The following GRID1 variants were observed in gnomAD, a reference collection of about 807,000 sequenced individuals.
The protein encoded by GRID1 is glutamate receptor ionotropic, delta-1.
GRID1 carries 28 observed loss-of-function variants against 98.0 expected under a neutral mutation model. That is an observed-to-expected ratio of 0.29 (90% confidence interval 0.21 to 0.39). The LOEUF (loss-of-function observed/expected upper bound fraction) is 0.39, where lower values mean the gene tolerates loss of function less well. Ranked by LOEUF, GRID1 falls within the 10% of genes least tolerant of loss-of-function variation. GRID1 has a pLI of 1.00. For missense variants in GRID1, 1,111 were observed against 1,340.5 expected (o/e 0.83, Z 2.67); for synonymous variants, 553 against 538.5 (o/e 1.03, Z -0.37).
intron 12 of GRID1, chr10:85,708,867 C>T (rs879298216): frequency 6.0e-6 from 1 of 165,554 alleles, no homozygotes; most frequent in Non-Finnish European, 1.3e-5. Context: ...CTCCAGATTA[C>T]AGGGAGGAAA....
intron 8 of GRID1, among the ~76,000 whole-genome samples, chr10:85,738,797 A>C (rs1414784980): frequency 6.6e-6 from 1 of 152,178 alleles, no homozygotes; most frequent in Non-Finnish European, 1.5e-5. Context: ...CGCAAAGGCA[A>C]TATTATAGGT....
chr10:85,772,234 A>C (rs1842277411), intron 8 of GRID1, among the ~76,000 whole-genome samples: 1 of 152,144 alleles, frequency 6.6e-6, no homozygotes, highest in East Asian at 1.9e-4. Context: ...TGGGTACATA[A>C]CGAAATGAAG....
intron 3 of GRID1, among the ~76,000 whole-genome samples, chr10:86,164,986 C>T (rs151285548): frequency 4.8e-4 from 73 of 152,266 alleles, no homozygotes; most frequent in Non-Finnish European, 7.6e-4. Flanking sequence ...TGGACAGAAG[C>T]GAATGTTCAG....
intron 5 of GRID1, among the ~76,000 whole-genome samples, chr10:85,901,325 C>G (rs2131815769): frequency 6.6e-6 from 1 of 151,832 alleles, no homozygotes; most frequent in African/African-American, 2.4e-5. Flanking sequence ...GGCTTACTGC[C>G]AAGCTCTGCC....
At position 85,727,946 on chromosome 10, in the gene GRID1, T is replaced by G. The variant is rs545396534; in HGVS notation, c.1442A>C (p.Lys481Thr). The G allele has an allele frequency of 3.9e-5, 63 of 1,613,660 alleles. No individual in the cohort carries two copies. In the South Asian group the frequency reaches 6.6e-4, roughly 17 times the overall value. Residue 481 changes from lysine (K) to threonine (T), a missense_variant, in exon 10 of 16, where the codon AAA (lysine) becomes ACA (threonine). Coordinates refer to ENST00000327946, the MANE Select transcript of GRID1 (RefSeq NM_017551.3). ...LDALAKALGF[K>T]YEIYQAPDGR... ...ATCAGGGGCTTGGTAAATCTCATAT[T>G]TAAAGCCCAGAGCCTTGGCCAGTGC...
chr10:86,004,435 T>C (rs1262900005), intron 4 of GRID1, among the ~76,000 whole-genome samples: 2 of 152,130 alleles, frequency 1.3e-5, no homozygotes, highest in African/African-American at 4.8e-5. Flanking sequence ...TTCTGTGAGA[T>C]GGATGGTTTT....
intron 4 of GRID1, among the ~76,000 whole-genome samples, chr10:86,033,470 G>T (rs1204069530): frequency 6.6e-6 from 1 of 152,182 alleles, no homozygotes; most frequent in South Asian, 2.1e-4. Context: ...GGAATTAGGT[G>T]TAGATGAGAT....
At chr10:86,069,424 G>A (rs994594834) in intron 4 of GRID1, among the ~76,000 whole-genome samples, 3 of 152,110 alleles carry the variant, frequency 2.0e-5, no homozygotes, top group Admixed American at 6.5e-5. Context: ...CGAGGCGGGC[G>A]GATCATGAGG....
chr10:86,335,634 G>A lies in GRID1; in HGVS notation c.235+28307C>T, dbSNP rs375509373. 1.2e-4 allele frequency among the ~76,000 whole-genome samples: 18 copies of A among 152,290 alleles called. 1 individual carries two copies. In the South Asian group the frequency reaches 3.7e-3, roughly 32 times the overall value. ...AGTGGCCATTGCTGTCCCTATTTTA[G>A]ATATGAAGAAACACACTCATGAGGT... On this transcript the variant is annotated intron_variant, in intron 2 of 15. Coordinates refer to ENST00000327946, the MANE Select transcript of GRID1 (RefSeq NM_017551.3).
intron 8 of GRID1, among the ~76,000 whole-genome samples, chr10:85,776,590 G>T (rs534320736): frequency 1.3e-5 from 2 of 152,172 alleles, no homozygotes; most frequent in African/African-American, 4.8e-5. Context: ...AGCAGAAGGG[G>T]AGATCACTGC....
intron 2 of GRID1, among the ~76,000 whole-genome samples, chr10:86,249,160 C>G (rs1409353335): frequency 6.6e-6 from 1 of 152,184 alleles, no homozygotes; most frequent in South Asian, 2.1e-4. Flanking sequence ...TGGAAAGCCA[C>G]GATTAGGTGG....
At chr10:86,117,674 A>G (rs1263211986) in intron 4 of GRID1, among the ~76,000 whole-genome samples, 1 of 152,256 alleles carries the variant, frequency 6.6e-6, no homozygotes, top group East Asian at 1.9e-4. Flanking sequence ...TTTGACCTTC[A>G]AAAAGTGAAT....
chr10:86,139,018 CG>C lies in GRID1; in HGVS notation c.526del (p.Arg176ValfsTer37). ...VMFYDSEYDI[R>X]GLQSFLDQAS... is the part of the protein sequence containing the mutation. The stretch of plus-strand genomic sequence containing the variant: ...CTGGTCCAGAAAGCTTTGAAGCCCA[CG>C]GATATCTGAGCAGTGAGAGAAGAGG... On this transcript the variant is annotated frameshift_variant, in exon 4 of 16. Coordinates refer to ENST00000327946, the MANE Select transcript of GRID1 (RefSeq NM_017551.3). LOFTEE classifies it high-confidence loss of function. 1 of 1,610,450 alleles carries C rather than the reference CG, an allele frequency of 6.2e-7. No homozygotes were observed. The highest frequency in any genetic ancestry group is 8.5e-7 in the Non-Finnish European group (1 of 1,176,688).
chr10:85,706,078 T>A (rs1841514576), intron 12 of GRID1, among the ~76,000 whole-genome samples: 1 of 152,090 alleles, frequency 6.6e-6, no homozygotes, highest in East Asian at 1.9e-4. Context: ...CTCTCACCAC[T>A]CCTATTTAAC....
chr10:85,609,654 C>T (rs564220272), intron 15 of GRID1, among the ~76,000 whole-genome samples: 3 of 152,288 alleles, frequency 2.0e-5, no homozygotes, highest in South Asian at 2.1e-4. Context: ...CCCTGCTGCC[C>T]GGCCACCCTG....
rs550108604 is a variant in GRID1 at position 86,322,996 on chromosome 10, G to A, written c.235+40945C>T. On this transcript the variant is annotated intron_variant, in intron 2 of 15. Coordinates refer to ENST00000327946, the MANE Select transcript of GRID1 (RefSeq NM_017551.3). Reference sequence around the variant, plus strand: ...TGTAATCCCAGCTCCTTGGGATGCCGAGGCAGGAGAATCACTTGAACCTGG... The same window carrying A: ...TGTAATCCCAGCTCCTTGGGATGCCAAGGCAGGAGAATCACTTGAACCTGG... Among the ~76,000 whole-genome samples the A allele has an allele frequency of 1.7e-4, 26 of 151,986 alleles. No homozygotes were observed. In the East Asian group the frequency reaches 1.9e-3, roughly 11 times the overall value.
chr10:86,186,141 T>C (rs1395674953), intron 3 of GRID1, among the ~76,000 whole-genome samples: 1 of 152,230 alleles, frequency 6.6e-6, no homozygotes, highest in Non-Finnish European at 1.5e-5. Flanking sequence ...GAGTATGCTT[T>C]AGTAATTTGT....
chr10:86,201,471 T>G (rs1845949857), intron 3 of GRID1, among the ~76,000 whole-genome samples: 1 of 152,070 alleles, frequency 6.6e-6, no homozygotes, highest in Non-Finnish European at 1.5e-5. Flanking sequence ...AAGTGGGAAC[T>G]AAATGATGAG....
At chr10:86,287,926 T>C (rs1196204218) in intron 2 of GRID1, among the ~76,000 whole-genome samples, 1 of 151,868 alleles carries the variant, frequency 6.6e-6, no homozygotes. Flanking sequence ...AATTGCTCCT[T>C]AGCCAATAAG....
Sources: allele counts gnomAD v4.1 joint callset (sites outside exome capture counted in the v4.1 genomes callset), GRCh38; gene constraint gnomAD v4.1.1; transcripts MANE v1.5; gene names NCBI Gene and HGNC (gene_info 2026-07-23, HGNC 2026-07-21).